Variants in TRPM3 observed in about 807,000 individuals in gnomAD.
TRPM3 encodes the protein transient receptor potential cation channel subfamily M member 3.
Under a neutral mutation model 181.2 loss-of-function variants are expected in TRPM3, and 77 were observed. That is an observed-to-expected ratio of 0.42 (90% CI 0.35 to 0.51). TRPM3 has a LOEUF of 0.51. Ranked by LOEUF, TRPM3 falls within the 20% of genes least tolerant of loss-of-function variation. TRPM3 has a pLI of 0.01. For missense variants in TRPM3, 1,759 were observed against 2,196.7 expected (o/e 0.80, Z 3.98); for synonymous variants, 745 against 796.4 (o/e 0.94, Z 1.09).
At chr9:70,999,747 GCA>G (rs1250279405) in intron 1 of TRPM3, among the ~76,000 whole-genome samples, 5 of 152,112 alleles carry the variant, frequency 3.3e-5, no homozygotes, top group Non-Finnish European at 7.3e-5. Flanking sequence ...TTATTCTCCA[GCA>G]CCTTTCAATG....
chr9:71,046,647 G>A (rs2059473642), intron 1 of TRPM3, among the ~76,000 whole-genome samples: 1 of 152,096 alleles, frequency 6.6e-6, no homozygotes, highest in Non-Finnish European at 1.5e-5. Flanking sequence ...CACTTATTGA[G>A]ATATTTTTTT....
rs151334842 is a variant in TRPM3, at chr9:71,417,249, A to G, written c.183+29404T>C. 3.3e-5 allele frequency among the ~76,000 whole-genome samples: 5 copies of G among 152,104 alleles called. No homozygotes were observed. In the East Asian group the frequency reaches 7.7e-4, roughly 24 times the overall value. ...TTCTGAAATGTTTGTACCTGTTTAT[A>G]TTCTCATTAATAACACATGTGAGTT... On this transcript the variant is annotated intron_variant, in intron 1 of 24. Coordinates refer to the TRPM3 transcript ENST00000357533.
rs373029173 is a variant in TRPM3 at position 71,071,249 on chromosome 9, T to C, written c.177+49929A>G. Among the ~76,000 whole-genome samples the C allele has an allele frequency of 3.3e-5, 5 of 152,278 alleles. 1 individual carries two copies. The South Asian group carries it at 8.3e-4, about 25-fold the overall frequency. On this transcript the variant is annotated intron_variant, in intron 1 of 25. Coordinates refer to ENST00000677713, the MANE Select transcript of TRPM3 (RefSeq NM_001366145.2). ...GGGAAAGAGGCCACCTTAGAAGCCG[T>C]GTTTTGAGGGTAACGGAACCTCCTG...
intron 22 of TRPM3, among the ~76,000 whole-genome samples, chr9:70,583,839 C>T (rs13301485): frequency 1.3e-5 from 2 of 152,290 alleles, no homozygotes; most frequent in South Asian, 4.1e-4. Context: ...AAAACTCTGG[C>T]TAAGTTACTC....
At chr9:71,213,823 A>T (rs1269094646) in intron 1 of TRPM3, among the ~76,000 whole-genome samples, 1 of 152,194 alleles carries the variant, frequency 6.6e-6, no homozygotes, top group African/African-American at 2.4e-5. Context: ...TAAATAAATG[A>T]CATCATCCAT....
At chr9:71,070,125 G>T (rs960146456) in intron 1 of TRPM3, among the ~76,000 whole-genome samples, 1 of 152,204 alleles carries the variant, frequency 6.6e-6, no homozygotes, top group Admixed American at 6.5e-5. Context: ...ATAAATCAAA[G>T]GAGAAATATC....
At chr9:70,962,235 G>C (rs985264518) in intron 1 of TRPM3, among the ~76,000 whole-genome samples, 1 of 152,090 alleles carries the variant, frequency 6.6e-6, no homozygotes, top group Non-Finnish European at 1.5e-5. Flanking sequence ...TAAGGTTATA[G>C]GGGAGAGTGT....
intron 1 of TRPM3, among the ~76,000 whole-genome samples, chr9:71,291,225 C>G (rs556444380): frequency 6.6e-6 from 1 of 152,182 alleles, no homozygotes; most frequent in East Asian, 1.9e-4. Context: ...CCAAATATAC[C>G]AGTTTTTCCA....
rs144624212 is a variant in TRPM3, at chr9:70,856,642, G to A, written c.462+6266C>T. Among the ~76,000 whole-genome samples the A allele has an allele frequency of 2.5e-3, 384 of 151,524 alleles. 2 individuals carry two copies. Among genetic ancestry groups the A allele is most frequent in the South Asian group, 4.2e-3 (20 of 4,782 alleles). ...TTCCCTTTCACCTCACACCCACAAC[G>A]CCCAGAGAATAAGGCTTTCATCCTC... On this transcript the variant is annotated intron_variant, in intron 3 of 25. Transcript: ENST00000677713.
chr9:71,092,349 C>T (rs1457103307), intron 1 of TRPM3, among the ~76,000 whole-genome samples: 2 of 152,264 alleles, frequency 1.3e-5, no homozygotes, highest in Admixed American at 1.3e-4. Context: ...CAAAAGAAAA[C>T]TCACTGATTA....
At position 71,099,349 on chromosome 9, in the gene TRPM3, C is replaced by A. The variant is rs150008033; in HGVS notation, c.177+21829G>T. Among the ~76,000 whole-genome samples the A allele has an allele frequency of 1.3e-4, 20 of 152,214 alleles. No homozygotes were observed. In the East Asian group the frequency reaches 3.9e-3, roughly 29 times the overall value. ...AAGATTCCACCTTCTAATATCAACA[C>A]CTTAGGAATTAGAATTTCAACACAT... On this transcript the variant is annotated intron_variant, in intron 1 of 25. Coordinates refer to ENST00000677713, the MANE Select transcript of TRPM3 (RefSeq NM_001366145.2).
intron 1 of TRPM3, among the ~76,000 whole-genome samples, chr9:70,891,954 T>C (rs2096210670): frequency 6.6e-6 from 1 of 152,174 alleles, no homozygotes; most frequent in Non-Finnish European, 1.5e-5. Context: ...TTCATTTTAT[T>C]ATATAAGAAA....
chr9:71,140,041 A>G (rs1039992947), intron 1 of TRPM3, among the ~76,000 whole-genome samples: 2 of 152,118 alleles, frequency 1.3e-5, no homozygotes, highest in African/African-American at 2.4e-5. Context: ...TGATACCTAG[A>G]GCTATAGCAA....
chr9:71,432,323 C>CTTTTTTTTTTT (rs67905820), intron 1 of TRPM3, among the ~76,000 whole-genome samples: 48 of 76,624 alleles, frequency 6.3e-4, no homozygotes, highest in East Asian at 7.8e-4. Context: ...AAAAGTAGGA[C>CTTTTTTTTTTT]TTTTTTTTTT....
At chr9:70,640,696 G>C (rs1332783003) in intron 9 of TRPM3, 36 bp from the exon 10 acceptor site, 1 of 1,545,976 alleles carries the variant, frequency 6.5e-7, no homozygotes, top group East Asian at 2.3e-5. Flanking sequence ...GAGTGGAAGA[G>C]AGAAAACGAC....
intron 1 of TRPM3, among the ~76,000 whole-genome samples, chr9:71,136,574 A>G (rs1164225749): frequency 1.3e-5 from 2 of 152,160 alleles, no homozygotes; most frequent in African/African-American, 4.8e-5. Flanking sequence ...TTCCAGTGGT[A>G]TTTTGGTGTG....
intron 1 of TRPM3, among the ~76,000 whole-genome samples, chr9:71,325,646 T>G (rs2132496869): frequency 6.6e-6 from 1 of 152,192 alleles, no homozygotes; most frequent in South Asian, 2.1e-4. Flanking sequence ...GAAGAAGGAA[T>G]GAAGGCAGTG....
intron 1 of TRPM3, among the ~76,000 whole-genome samples, chr9:71,419,568 G>T (rs934341561): frequency 6.6e-6 from 1 of 151,828 alleles, no homozygotes; most frequent in African/African-American, 2.4e-5. Flanking sequence ...TCATAATGGG[G>T]TAATAGCAAA....
intron 1 of TRPM3, among the ~76,000 whole-genome samples, chr9:70,980,043 G>A (rs2097348011): frequency 1.4e-5 from 2 of 140,718 alleles, no homozygotes; most frequent in Admixed American, 7.1e-5. Context: ...TCAGTCCACA[G>A]CATGTGTGGC....
Sources: allele counts gnomAD v4.1 joint callset (sites outside exome capture counted in the v4.1 genomes callset), GRCh38; gene constraint gnomAD v4.1.1; transcripts MANE v1.5; gene names NCBI Gene and HGNC (gene_info 2026-07-23, HGNC 2026-07-21).